Variants in AFF3 observed in about 807,000 individuals in gnomAD.
The protein encoded by AFF3 is AF4/FMR2 family member 3.
AFF3 carries 32 observed loss-of-function variants against 129.7 expected under a neutral mutation model. The observed-to-expected ratio is 0.25, with a 90% CI of 0.19 to 0.33. The LOEUF is 0.33. Ranked by LOEUF, AFF3 falls within the 10% of genes least tolerant of loss-of-function variation. The probability of loss-of-function intolerance (pLI) is 1.00; values close to 1 mark genes in which losing one functional copy is unlikely to be tolerated. For synonymous variants in AFF3, 644 were observed against 635.4 expected (o/e 1.01, Z -0.20); for missense variants, 1,373 against 1,592.0 (o/e 0.86, Z 2.34).
intron 7 of AFF3, among the ~76,000 whole-genome samples, chr2:99,981,683 T>C (rs1253808776): frequency 6.6e-6 from 1 of 152,244 alleles, no homozygotes; most frequent in Non-Finnish European, 1.5e-5. Context: ...CTTTCCCTAT[T>C]GTTTTTAGAG....
chr2:99,699,622 GGC>G (rs1676646624), intron 11 of AFF3, among the ~76,000 whole-genome samples: 1 of 151,992 alleles, frequency 6.6e-6, no homozygotes, highest in Non-Finnish European at 1.5e-5. Flanking sequence ...GGTGGGCAGT[GGC>G]ACAGGCTTCC....
intron 12 of AFF3, among the ~76,000 whole-genome samples, chr2:99,660,111 G>A (rs1686097116): frequency 6.6e-6 from 1 of 152,174 alleles, no homozygotes; most frequent in Non-Finnish European, 1.5e-5. Flanking sequence ...AATACATTCT[G>A]GACCTTTAAA....
chr2:100,060,823 CACA>C (rs1380431991), intron 4 of AFF3, among the ~76,000 whole-genome samples: 1 of 152,272 alleles, frequency 6.6e-6, no homozygotes, highest in East Asian at 1.9e-4. Context: ...CTTTGGATTT[CACA>C]ACTTTTTTCC....
Position 99,684,231 on chromosome 2 carries a change from C to T in AFF3, c.1092-11642G>A, listed in dbSNP as rs1674811470. On this transcript the variant is annotated intron_variant, in intron 11 of 24. Transcript: ENST00000672756. ...CATCTGCCTCCTTGTTCAGGACAGC[C>T]ATGGGGTCATTTAAGACTCATCATG... Among the ~76,000 whole-genome samples the T allele has an allele frequency of 2.6e-5, 4 of 152,328 alleles. No homozygotes were observed. In the South Asian group the frequency reaches 8.3e-4, roughly 32 times the overall value.
At chr2:99,949,540 G>C (rs1175144770) in intron 7 of AFF3, among the ~76,000 whole-genome samples, 1 of 151,942 alleles carries the variant, frequency 6.6e-6, no homozygotes, top group African/African-American at 2.4e-5. Flanking sequence ...TGGGAACCCA[G>C]AGCTTGTTTT....
chr2:100,103,107 T>A (rs1235923195), intron 4 of AFF3, among the ~76,000 whole-genome samples: 1 of 152,244 alleles, frequency 6.6e-6, no homozygotes, highest in Non-Finnish European at 1.5e-5. Flanking sequence ...CGTTTGATAA[T>A]GTGCTAGCTT....
intron 2 of AFF3, among the ~76,000 whole-genome samples, chr2:100,125,738 G>C (rs980188159): frequency 9.8e-5 from 15 of 152,298 alleles, no homozygotes; most frequent in African/African-American, 3.6e-4. Context: ...GGAGGAGCCA[G>C]CCAAGGAAGG....
intron 16 of AFF3, among the ~76,000 whole-genome samples, chr2:99,585,895 A>AT (rs1267926356): frequency 6.6e-6 from 1 of 151,754 alleles, no homozygotes; most frequent in African/African-American, 2.4e-5. Context: ...CACCCAGCTA[A>AT]TTTTTTTATA....
chr2:99,815,973 C>A (rs1687199408), intron 8 of AFF3, among the ~76,000 whole-genome samples: 1 of 151,778 alleles, frequency 6.6e-6, no homozygotes, highest in Non-Finnish European at 1.5e-5. Flanking sequence ...TTTATTTTCC[C>A]CTCTGTGATT....
At chr2:99,744,062 C>T (rs867832780) in intron 10 of AFF3, 42 bp downstream of exon 10, 1 of 1,568,612 alleles carries the variant, frequency 6.4e-7, no homozygotes, top group Non-Finnish European at 8.7e-7. Flanking sequence ...TGCCCCCACC[C>T]CCTGCTCCCC....
chr2:99,866,997 TA>T (rs1028235786), intron 7 of AFF3, among the ~76,000 whole-genome samples: 9 of 112,286 alleles, frequency 8.0e-5, no homozygotes, highest in Non-Finnish European at 1.5e-4. Flanking sequence ...ATAATAATAA[TA>T]ATAAAAAATA....
At chr2:100,054,292 T>C (rs1316439137) in intron 4 of AFF3, among the ~76,000 whole-genome samples, 2 of 152,226 alleles carry the variant, frequency 1.3e-5, no homozygotes, top group Non-Finnish European at 2.9e-5. Context: ...GCTTGGGCCA[T>C]GGGGTGCCAC....
intron 7 of AFF3, among the ~76,000 whole-genome samples, chr2:99,878,685 T>A (rs1692476811): frequency 6.6e-6 from 1 of 152,192 alleles, no homozygotes; most frequent in Non-Finnish European, 1.5e-5. Flanking sequence ...GACATTTCCA[T>A]CAATTCCCTA....
intron 13 of AFF3, among the ~76,000 whole-genome samples, chr2:99,609,273 T>C (rs763218230): frequency 1.4e-4 from 22 of 152,086 alleles, no homozygotes; most frequent in Admixed American, 2.0e-4. Context: ...ATAGGTGGCA[T>C]TTGGTTACAT....
chr2:100,010,061 A>G (rs1449354089), intron 4 of AFF3, among the ~76,000 whole-genome samples: 2 of 152,184 alleles, frequency 1.3e-5, no homozygotes, highest in African/African-American at 4.8e-5. Context: ...GGGGATGGAA[A>G]AGCCACTCGG....
chr2:99,644,139 T>C (rs1014751735), intron 13 of AFF3, among the ~76,000 whole-genome samples: 8 of 152,206 alleles, frequency 5.3e-5, no homozygotes, highest in African/African-American at 1.9e-4. Context: ...GATTTCAATA[T>C]AAATGGATCT....
chr2:100,039,356 C>T (rs1368434051), intron 4 of AFF3, among the ~76,000 whole-genome samples: 2 of 152,018 alleles, frequency 1.3e-5, no homozygotes, highest in Non-Finnish European at 2.9e-5. Flanking sequence ...CCTAGGTGGT[C>T]GAGATCAACC....
At chr2:99,589,156 G>A (rs982328215) in intron 15 of AFF3, among the ~76,000 whole-genome samples, 3 of 151,956 alleles carry the variant, frequency 2.0e-5, no homozygotes, top group Non-Finnish European at 4.4e-5. Context: ...TTCCATCAGC[G>A]TATTCAGTTA....
intron 8 of AFF3, among the ~76,000 whole-genome samples, chr2:99,778,897 CGTGTGTGT>C (rs61526527): frequency 0.022 from 964 of 43,192 alleles, 7 homozygotes; most frequent in African/African-American, 0.035. Context: ...TGTGTGTGCG[CGTGTGTGT>C]GTGTGTGTGT....
Sources: gnomAD v4.1 joint callset for allele counts (sites outside exome capture counted in the v4.1 genomes callset) on GRCh38, gnomAD v4.1.1 for gene constraint, MANE v1.5 for transcripts, NCBI Gene and HGNC (gene_info 2026-07-23, HGNC 2026-07-21) for gene names.